AMPH: variants seen among roughly 807,000 people sequenced by gnomAD.
AMPH encodes the protein amphiphysin (Stiff-Mann syndrome with breast cancer 128kD autoantigen).
A neutral mutation model predicts 99.1 loss-of-function variants in AMPH; 49 were observed. The observed-to-expected ratio is 0.49, with a 90% CI of 0.39 to 0.63. The LOEUF (loss-of-function observed/expected upper bound fraction) is 0.63. Among genes scored for constraint, AMPH ranks in the 20% least tolerant of loss-of-function variants. The pLI is 0.00. For missense variants in AMPH, 759 were observed against 863.4 expected, an observed-to-expected ratio of 0.88 and a Z score of 1.52; for synonymous variants, 314 against 317.3, an observed-to-expected ratio of 0.99 and a Z score of 0.11.
intron 2 of AMPH, among the ~76,000 whole-genome samples, chr7:38,523,913 CTTA>C (rs1034413113): frequency 4.2e-5 from 6 of 141,738 alleles, no homozygotes; most frequent in African/African-American, 1.6e-4. Flanking sequence ...ATTAATATTA[CTTA>C]TTAAATATTT....
chr7:38,479,593 A>G (rs1256800216), intron 5 of AMPH, among the ~76,000 whole-genome samples: 1 of 152,158 alleles, frequency 6.6e-6, no homozygotes, highest in Non-Finnish European at 1.5e-5. Flanking sequence ...GTAAAAGAAA[A>G]ATGTATGACA....
intron 2 of AMPH, among the ~76,000 whole-genome samples, chr7:38,506,070 C>T (rs966607451): frequency 6.6e-6 from 1 of 152,182 alleles, no homozygotes; most frequent in East Asian, 1.9e-4. Flanking sequence ...TTTCTTTCCT[C>T]TCCCCATACA....
chr7:38,387,874 C>T (rs1219676129), intron 20 of AMPH, among the ~76,000 whole-genome samples: 1 of 150,626 alleles, frequency 6.6e-6, no homozygotes, highest in East Asian at 1.9e-4. Flanking sequence ...CAGGGAAAGT[C>T]ACTTTGCATA....
At chr7:38,441,810 C>T (rs867327801) in intron 11 of AMPH, among the ~76,000 whole-genome samples, 1 of 69,660 alleles carries the variant, frequency 1.4e-5, no homozygotes, top group African/African-American at 5.1e-5. Flanking sequence ...ATATATATAT[C>T]ATATATATCA....
At chr7:38,523,932 T>C (rs2385318) in intron 2 of AMPH, among the ~76,000 whole-genome samples, 1 of 74,290 alleles carries the variant, frequency 1.3e-5, no homozygotes, top group East Asian at 5.4e-4. Flanking sequence ...TATTTATTAA[T>C]TTTGAGAGAA....
At chr7:38,466,134 C>T in intron 8 of AMPH, 39 bp downstream of exon 8, 2 of 1,508,522 alleles carry the variant, frequency 1.3e-6, no homozygotes, top group Non-Finnish European at 1.8e-6. Context: ...CCTTCCTTTA[C>T]TTTATATTCC....
chr7:38,475,040 G>A (rs1320362795), intron 7 of AMPH, among the ~76,000 whole-genome samples: 1 of 152,144 alleles, frequency 6.6e-6, no homozygotes, highest in Non-Finnish European at 1.5e-5. Flanking sequence ...GTCTAAAATT[G>A]TGTCATCCTA....
intron 1 of AMPH, among the ~76,000 whole-genome samples, chr7:38,594,939 G>A (rs984144462): frequency 1.3e-5 from 2 of 152,122 alleles, no homozygotes; most frequent in African/African-American, 2.4e-5. Flanking sequence ...AAAAAAACAA[G>A]GGGGGGAAAG....
At chr7:38,426,652 G>C (rs1205946093) in intron 15 of AMPH, among the ~76,000 whole-genome samples, 1 of 152,200 alleles carries the variant, frequency 6.6e-6, no homozygotes, top group East Asian at 1.9e-4. Context: ...ATCGGTAGAA[G>C]GTAGAAGCCC....
chr7:38,452,126 A>G (rs1329930258), intron 11 of AMPH, among the ~76,000 whole-genome samples: 2 of 152,196 alleles, frequency 1.3e-5, no homozygotes, highest in African/African-American at 4.8e-5. Context: ...AAACAAATCC[A>G]TCTGAGACTG....
At chr7:38,534,822 T>C in intron 2 of AMPH, 109 bp downstream of exon 2, 1 of 878,984 alleles carries the variant, frequency 1.1e-6, no homozygotes, top group South Asian at 1.6e-5. Context: ...CTCAAGTTAG[T>C]GCCAACTCCA....
intron 1 of AMPH, among the ~76,000 whole-genome samples, chr7:38,542,813 T>G (rs944906442): frequency 1.1e-4 from 16 of 151,738 alleles, no homozygotes; most frequent in South Asian, 2.1e-4. Context: ...AAAGAAAAAT[T>G]GTCCGGGTGC....
At chr7:38,609,690 G>A (rs1025707501) in intron 1 of AMPH, among the ~76,000 whole-genome samples, 8 of 151,874 alleles carry the variant, frequency 5.3e-5, no homozygotes, top group African/African-American at 1.9e-4. Context: ...ACAAAGCTGG[G>A]GCCATACTGT....
intron 4 of AMPH, among the ~76,000 whole-genome samples, chr7:38,493,487 A>T (rs370055394): frequency 5.3e-5 from 8 of 152,242 alleles, no homozygotes; most frequent in Admixed American, 3.9e-4. Context: ...GAGGAAACTA[A>T]AGCCTAAGAA....
chr7:38,397,683 G>C (rs1463001544), intron 17 of AMPH, among the ~76,000 whole-genome samples: 1 of 152,124 alleles, frequency 6.6e-6, no homozygotes, highest in Non-Finnish European at 1.5e-5. Context: ...AAGTTAAAAA[G>C]CCTCTGCACT....
intron 1 of AMPH, among the ~76,000 whole-genome samples, chr7:38,556,178 GA>G (rs1791355017): frequency 6.6e-6 from 1 of 151,860 alleles, no homozygotes; most frequent in East Asian, 1.9e-4. Flanking sequence ...AATTTGAAAA[GA>G]AAAAGAAAGC....
intron 16 of AMPH, among the ~76,000 whole-genome samples, chr7:38,419,009 T>C (rs6954477): frequency 0.66 from 99,826 of 151,544 alleles, 33,629 homozygotes; most frequent in East Asian, 0.94. Flanking sequence ...ATTTATCTAG[T>C]ATGATTCTTT....
chr7:38,592,609 T>G (rs1489648124), intron 1 of AMPH, among the ~76,000 whole-genome samples: 1 of 152,034 alleles, frequency 6.6e-6, no homozygotes, highest in African/African-American at 2.4e-5. Flanking sequence ...TGGGCACCTG[T>G]AGTCCCAGCT....
chr7:38,566,704 A>G (rs1344030824), intron 1 of AMPH, among the ~76,000 whole-genome samples: 1 of 152,142 alleles, frequency 6.6e-6, no homozygotes, highest in Non-Finnish European at 1.5e-5. Flanking sequence ...TGTACAAGAA[A>G]AAAAACATCA....
Sources: allele counts gnomAD v4.1 joint callset (sites outside exome capture counted in the v4.1 genomes callset), GRCh38; gene constraint gnomAD v4.1.1; transcripts MANE v1.5; gene names NCBI Gene and HGNC (gene_info 2026-07-23, HGNC 2026-07-21).